Variants in TMEM181 observed in about 807,000 individuals in gnomAD.
The protein encoded by TMEM181 is G protein-coupled receptor 178.
Under a neutral mutation model 71.9 loss-of-function variants are expected in TMEM181, and 39 were observed. The observed-to-expected ratio is 0.54, with a 90% CI of 0.42 to 0.71. The LOEUF is 0.71. Among genes scored for constraint, TMEM181 ranks in the 30% least tolerant of loss-of-function variants. TMEM181 has a pLI of 0.00. For missense variants in TMEM181, 595 were observed against 583.0 expected (o/e 1.02, Z -0.21); for synonymous variants, 245 against 228.8 (o/e 1.07, Z -0.64).
intron 2 of TMEM181, among the ~76,000 whole-genome samples, chr6:158,577,189 A>G (rs539156184): frequency 1.3e-5 from 2 of 152,212 alleles, no homozygotes; most frequent in Admixed American, 1.3e-4. Flanking sequence ...CAGAGACTTT[A>G]AAACAGCTGT....
At chr6:158,629,374 C>T (rs1180878715) in intron 14 of TMEM181, among the ~76,000 whole-genome samples, 2 of 152,120 alleles carry the variant, frequency 1.3e-5, no homozygotes, top group Non-Finnish European at 2.9e-5. Flanking sequence ...TGTCTAGAGA[C>T]CTTGATTCAC....
intron 10 of TMEM181, chr6:158,611,265 A>C (rs1583032023): frequency 2.0e-6 from 1 of 497,164 alleles, no homozygotes; most frequent in African/African-American, 2.0e-5. Flanking sequence ...GTTCCTTCTC[A>C]GTCTTGGCTG....
At chr6:158,606,629 A>T (rs561969263) in intron 7 of TMEM181, among the ~76,000 whole-genome samples, 71 of 152,378 alleles carry the variant, frequency 4.7e-4, no homozygotes, top group African/African-American at 1.5e-3. Flanking sequence ...AAATTATGTT[A>T]TATAATGTTT....
chr6:158,562,254 TG>T (rs1360052746), intron 1 of TMEM181, among the ~76,000 whole-genome samples: 2 of 152,214 alleles, frequency 1.3e-5, no homozygotes. Context: ...TGAACTCTCC[TG>T]CAGTCTCCAT....
At chr6:158,602,800 T>TC (rs1784739990) in intron 6 of TMEM181, among the ~76,000 whole-genome samples, 2 of 152,108 alleles carry the variant, frequency 1.3e-5, no homozygotes, top group African/African-American at 4.8e-5. Context: ...CAGGCTCACC[T>TC]CAAACTCCTG....
rs771512658 is a variant in TMEM181, at chr6:158,607,255, G to C, written c.585G>C (p.Ala195=). 12 of 1,614,144 alleles carry C rather than the reference G, an allele frequency of 7.4e-6. No homozygotes were observed. The highest frequency in any genetic ancestry group is 1.0e-5 in the Non-Finnish European group (12 of 1,180,010). Residue 195 remains alanine, a synonymous_variant, in exon 8 of 17, where the codon GCG becomes GCC. Coordinates refer to ENST00000684151, the MANE Select transcript of TMEM181 (RefSeq NM_001376852.1). ...VLTFIVTCLF[A]HSLRKFSMRD... is the part of the protein sequence containing the mutation. ...GATTTGGTTTGCAGTGCCTGTTTGC[G>C]CATTCCCTCCGGAAATTTTCCATGA... is the stretch of plus-strand genomic sequence containing the variant.
intron 1 of TMEM181, among the ~76,000 whole-genome samples, chr6:158,542,116 A>G (rs1781377126): frequency 1.3e-5 from 2 of 152,128 alleles, no homozygotes; most frequent in East Asian, 1.9e-4. Flanking sequence ...CATGATGCCC[A>G]GGCTGGTCTC....
Position 158,620,351 on chromosome 6 carries a change from C to G in TMEM181, c.897-3199C>G, listed in dbSNP as rs1356317693. 6.6e-6 allele frequency among the ~76,000 whole-genome samples: 1 copy of G among 152,154 alleles called. No individual in the cohort carries two copies. The highest frequency in any genetic ancestry group is 1.5e-5 in the Non-Finnish European group (1 of 68,026). ...CTTAGTCCCACTGGTCCTCTGAGGA[C>G]TGGGACGGCAGACCGAACTTTCTCA... On this transcript the variant is annotated intron_variant, in intron 10 of 16. Coordinates refer to ENST00000684151, the MANE Select transcript of TMEM181 (RefSeq NM_001376852.1). The surrounding 1 kb of genome is among the most constrained non-coding windows in gnomAD (Gnocchi z 4.5).
Position 158,620,809 on chromosome 6 carries a change from G to T in TMEM181, c.897-2741G>T, listed in dbSNP as rs144991973. Among the ~76,000 whole-genome samples the T allele has an allele frequency of 3.4e-3, 517 of 152,296 alleles. No homozygotes were observed. Among genetic ancestry groups the T allele is most frequent in the African/African-American group, 0.012 (484 of 41,552 alleles). On this transcript the variant is annotated intron_variant, in intron 10 of 16. Coordinates refer to ENST00000684151, the MANE Select transcript of TMEM181 (RefSeq NM_001376852.1). This position sits in a 1 kb window ranked among gnomAD's most constrained non-coding sequence, Gnocchi z 4.5. ...AAGAGAGCCTCTGTCCCCAACATCTGTCCCGGGTTTCAGCACCAAATGTAA... is the reference window on the plus strand; with the variant it reads ...AAGAGAGCCTCTGTCCCCAACATCTTTCCCGGGTTTCAGCACCAAATGTAA...
chr6:158,581,973 A>G (rs1356526805), intron 3 of TMEM181, among the ~76,000 whole-genome samples: 1 of 151,978 alleles, frequency 6.6e-6, no homozygotes, highest in African/African-American at 2.4e-5. Context: ...TTTAAATCTG[A>G]TTGTATGACC....
chr6:158,542,336 G>A (rs543680455), intron 1 of TMEM181, among the ~76,000 whole-genome samples: 1 of 152,180 alleles, frequency 6.6e-6, no homozygotes, highest in African/African-American at 2.4e-5. Flanking sequence ...TTGTTACTCC[G>A]TTATTGAGTC....
intron 10 of TMEM181, chr6:158,610,805 C>G (rs1785258133): frequency 3.2e-6 from 1 of 310,720 alleles, no homozygotes; most frequent in Non-Finnish European, 6.1e-6. Flanking sequence ...AGGTAGCCGG[C>G]AGGCTTGGGG....
At chr6:158,550,484 C>A (rs1404726339) in intron 1 of TMEM181, among the ~76,000 whole-genome samples, 2 of 151,724 alleles carry the variant, frequency 1.3e-5, no homozygotes, top group Non-Finnish European at 2.9e-5. Flanking sequence ...GGTGAAGCCC[C>A]ATCTCTACTG....
chr6:158,585,205 G>A (rs577688886), intron 4 of TMEM181, 99 bp from the exon 5 acceptor site: 22 of 1,369,038 alleles, frequency 1.6e-5, no homozygotes, highest in South Asian at 6.3e-5. Flanking sequence ...GACCTTAAGC[G>A]TTTTCCTGGC....
chr6:158,608,416 G>T lies in TMEM181; in HGVS notation c.757G>T (p.Ala253Ser). 1 of 1,614,158 alleles carries T rather than the reference G, an allele frequency of 6.2e-7. No individual in the cohort carries two copies. Among genetic ancestry groups the T allele is most frequent in the Non-Finnish European group, 8.5e-7 (1 of 1,180,038 alleles). ...CCTCTTTCAGTCCATGTTCCTGTGC[G>T]CCCTGCTGCTCTTCTGGCTGTGCGT... is the stretch of plus-strand genomic sequence containing the variant. ...DDLFQSMFLC[A>S]LLLFWLCVYH... Residue 253 changes from alanine (A) to serine (S), a missense_variant, in exon 9 of 17, where the codon GCC becomes TCC. Coordinates refer to ENST00000684151, the MANE Select transcript of TMEM181 (RefSeq NM_001376852.1).
intron 10 of TMEM181, among the ~76,000 whole-genome samples, chr6:158,615,807 T>C (rs1384227991): frequency 1.3e-5 from 2 of 152,220 alleles, no homozygotes; most frequent in East Asian, 3.9e-4. Context: ...ATGTGTGATA[T>C]TATTTCTGAG....
At chr6:158,593,907 C>G (rs1426043317) in intron 6 of TMEM181, among the ~76,000 whole-genome samples, 2 of 152,020 alleles carry the variant, frequency 1.3e-5, no homozygotes, top group Non-Finnish European at 2.9e-5. Context: ...CCCACATTGA[C>G]ACACCACCCA....
upstream of TMEM181, chr6:158,559,963 C>T (rs1782053533): frequency 2.5e-6 from 2 of 788,350 alleles, no homozygotes; most frequent in Non-Finnish European, 3.0e-6. Context: ...GGGCTCCGCC[C>T]CGGCACGGGG....
chr6:158,582,315 C>T (rs901202623), intron 3 of TMEM181, among the ~76,000 whole-genome samples: 1 of 152,192 alleles, frequency 6.6e-6, no homozygotes, highest in East Asian at 1.9e-4. Context: ...AACTGACTTG[C>T]TTCCAAGAGA....
Sources: gnomAD v4.1 joint callset for allele counts (sites outside exome capture counted in the v4.1 genomes callset) on GRCh38, gnomAD v4.1.1 for gene constraint, Gnocchi (gnomAD v3.1) non-coding constraint, MANE v1.5 for transcripts, NCBI Gene and HGNC (gene_info 2026-07-23, HGNC 2026-07-21) for gene names.